MTA3: variants seen among roughly 807,000 people sequenced by gnomAD.
MTA3 encodes the protein metastasis-associated protein MTA3.
A neutral mutation model predicts 83.5 loss-of-function variants in MTA3; 34 were observed. That is an observed-to-expected ratio of 0.41 (90% CI 0.31 to 0.54). The LOEUF (loss-of-function observed/expected upper bound fraction) is 0.54. MTA3 is among the 20% of genes least tolerant of loss of function. MTA3 has a pLI of 0.33. For missense variants in MTA3, 761 were observed against 726.4 expected, an observed-to-expected ratio of 1.05 and a Z score of -0.55; for synonymous variants, 303 against 252.7, an observed-to-expected ratio of 1.20 and a Z score of -1.89.
chr2:42,533,131 A>T (rs1291697219), intron 2 of MTA3: 1 of 129,452 alleles, frequency 7.7e-6, no homozygotes, highest in Admixed American at 1.0e-4. Context: ...CTTGTCGCCC[A>T]GGCTGGAGTG....
intron 4 of MTA3, among the ~76,000 whole-genome samples, chr2:42,615,111 C>G (rs550506098): frequency 6.6e-6 from 1 of 151,814 alleles, no homozygotes; most frequent in African/African-American, 2.4e-5. Flanking sequence ...GCCAACGTGG[C>G]GAAACCCCAT....
upstream of MTA3, chr2:42,494,543 G>C (rs1572875420): frequency 1.3e-5 from 2 of 152,342 alleles, no homozygotes; most frequent in Non-Finnish European, 2.9e-5. Flanking sequence ...CGCGTGCTCA[G>C]AGGGCGGCTA....
intron 2 of MTA3, among the ~76,000 whole-genome samples, chr2:42,547,736 T>C (rs1375301717): frequency 6.6e-6 from 1 of 152,242 alleles, no homozygotes; most frequent in African/African-American, 2.4e-5. Flanking sequence ...TTTTCAATCT[T>C]GTCTATTAAG....
chr2:42,694,482 T>A (rs1693201148), intron 9 of MTA3, among the ~76,000 whole-genome samples: 1 of 152,154 alleles, frequency 6.6e-6, no homozygotes, highest in Non-Finnish European at 1.5e-5. Flanking sequence ...GTACAGATTC[T>A]CCCTCCCTAC....
chr2:42,711,790 G>GTT (rs1282007658), intron 14 of MTA3, among the ~76,000 whole-genome samples: 5 of 148,908 alleles, frequency 3.4e-5, no homozygotes, highest in South Asian at 2.2e-4. Context: ...GAGAGTGTGT[G>GTT]TGTGTGTGTG....
chr2:42,728,141 C>T (rs1667957463), intron 16 of MTA3, among the ~76,000 whole-genome samples: 1 of 152,140 alleles, frequency 6.6e-6, no homozygotes, highest in Admixed American at 6.5e-5. Context: ...CTCTCTATCT[C>T]CATGAGTTCA....
chr2:42,645,417 C>T (rs1270940638), intron 6 of MTA3, among the ~76,000 whole-genome samples: 4 of 152,112 alleles, frequency 2.6e-5, no homozygotes, highest in East Asian at 1.9e-4. Context: ...CCCAACTACT[C>T]GGGAGGCTGA....
intron 8 of MTA3, among the ~76,000 whole-genome samples, chr2:42,681,986 C>T (rs1406013406): frequency 6.6e-6 from 1 of 151,992 alleles, no homozygotes. Flanking sequence ...GTGGGAGGAT[C>T]AGTTGAGCCC....
At chr2:42,723,135 G>A in intron 16 of MTA3, 100 bp downstream of exon 16, 1 of 1,328,500 alleles carries the variant, frequency 7.5e-7, no homozygotes, top group South Asian at 1.5e-5. Flanking sequence ...GCATGTTCTT[G>A]TATTCCATGA....
At chr2:42,607,033 C>T (rs940371670) in intron 3 of MTA3, among the ~76,000 whole-genome samples, 32 of 148,984 alleles carry the variant, frequency 2.1e-4, no homozygotes, top group Non-Finnish European at 3.4e-4. Context: ...AGTCCAGCTT[C>T]GGCTCCGCAT....
intron 2 of MTA3, among the ~76,000 whole-genome samples, chr2:42,560,135 G>A (rs1433196196): frequency 1.3e-5 from 2 of 151,808 alleles, no homozygotes; most frequent in Non-Finnish European, 2.9e-5. Context: ...CGATTCTCCC[G>A]CCTCAGCCTT....
At chr2:42,544,486 ATAGT>A (rs1676668651) in intron 2 of MTA3, among the ~76,000 whole-genome samples, 1 of 151,234 alleles carries the variant, frequency 6.6e-6, no homozygotes, top group South Asian at 2.1e-4. Context: ...AAAAAAAAAC[ATAGT>A]TATAGTCATG....
At chr2:42,727,211 A>C (rs1229205198) in intron 16 of MTA3, among the ~76,000 whole-genome samples, 1 of 152,142 alleles carries the variant, frequency 6.6e-6, no homozygotes, top group Non-Finnish European at 1.5e-5. Context: ...AAAAGAAAGA[A>C]AGAAAGAAAG....
chr2:42,629,892 C>T (rs887257814), intron 4 of MTA3, among the ~76,000 whole-genome samples: 1 of 151,978 alleles, frequency 6.6e-6, no homozygotes, highest in Non-Finnish European at 1.5e-5. Flanking sequence ...AATTCTTGTG[C>T]CTCAGCCTCC....
chr2:42,637,432 C>G (rs577448475), intron 4 of MTA3, among the ~76,000 whole-genome samples: 2 of 152,190 alleles, frequency 1.3e-5, no homozygotes, highest in Non-Finnish European at 2.9e-5. Flanking sequence ...ATAATAGTTC[C>G]TTTAGGTTGG....
intron 6 of MTA3, among the ~76,000 whole-genome samples, chr2:42,651,260 G>A (rs1036027668): frequency 6.6e-6 from 1 of 152,186 alleles, no homozygotes; most frequent in Non-Finnish European, 1.5e-5. Context: ...TGAGTGAGTG[G>A]TACGTGGATG....
At chr2:42,506,887 G>A (rs1026731809) in intron 2 of MTA3, among the ~76,000 whole-genome samples, 5 of 151,884 alleles carry the variant, frequency 3.3e-5, no homozygotes, top group African/African-American at 7.3e-5. Flanking sequence ...GATTACAGGT[G>A]TGAGCCACCG....
chr2:42,665,991 C>A (rs1178791062), intron 8 of MTA3, among the ~76,000 whole-genome samples: 1 of 152,080 alleles, frequency 6.6e-6, no homozygotes, highest in Non-Finnish European at 1.5e-5. Flanking sequence ...AAAAGTGTAA[C>A]TGTTGGCCAG....
At chr2:42,719,729 A>G (rs1277443328) in intron 15 of MTA3, among the ~76,000 whole-genome samples, 2 of 152,074 alleles carry the variant, frequency 1.3e-5, no homozygotes, top group African/African-American at 4.8e-5. Context: ...AGGCATTTGT[A>G]TTGCTTTCTT....
Sources: gnomAD v4.1 joint callset for allele counts (sites outside exome capture counted in the v4.1 genomes callset) on GRCh38, gnomAD v4.1.1 for gene constraint, MANE v1.5 for transcripts, NCBI Gene and HGNC (gene_info 2026-07-23, HGNC 2026-07-21) for gene names.